The following SMIM13 variants were observed in gnomAD, a reference collection of about 807,000 sequenced individuals.
SMIM13 encodes the protein small integral membrane protein 13, also known as UPF0766 protein C6orf228.
SMIM13 carries 3 observed loss-of-function variants against 5.9 expected under a neutral mutation model. The observed-to-expected ratio is 0.51, with a 90% CI of 0.23 to 1.31. The LOEUF (loss-of-function observed/expected upper bound fraction) is 1.31. Ranked by LOEUF, SMIM13 falls within the 40% of genes most tolerant of loss-of-function variation. The pLI, the probability that SMIM13 is intolerant of heterozygous loss-of-function variation, is 0.18. For synonymous variants in SMIM13, 55 were observed against 46.0 expected (o/e 1.19, Z -0.79); for missense variants, 85 against 109.9 (o/e 0.77, Z 1.01).
chr6:11,112,744 C>A (rs4711179), intron 1 of SMIM13, among the ~76,000 whole-genome samples: 31,941 of 151,998 alleles, frequency 0.21, 3,775 homozygotes, highest in East Asian at 0.45. Context: ...ATTTGTTTAT[C>A]CATTTACTCA....
At position 11,109,097 on chromosome 6, in the gene SMIM13, A is replaced by G. The variant is rs773423502; in HGVS notation, c.76+14708A>G. ...TGGTGGCCCCCACAGGGTAGCCACC[A>G]GTGTCAGGCATGTGCATTGTGTTTG... On this transcript the variant is annotated intron_variant, in intron 1 of 1. Transcript: ENST00000416247. Among the ~76,000 whole-genome samples the G allele has an allele frequency of 4.7e-4, 72 of 152,340 alleles. 1 individual carries two copies. Among genetic ancestry groups the G allele is most frequent in the Non-Finnish European group, 8.2e-4 (56 of 68,030 alleles).
intron 1 of SMIM13, among the ~76,000 whole-genome samples, chr6:11,116,982 CTTTTTTTTTTT>C (rs68092921): frequency 1.5e-4 from 7 of 46,446 alleles, no homozygotes; most frequent in Admixed American, 1.2e-3. Flanking sequence ...ATAATTGTTT[CTTTTTTTTTTT>C]TTTTTTTTTT....
rs557296439 is a variant in SMIM13, at chr6:11,101,410, T to G, written c.76+7021T>G. Among the ~76,000 whole-genome samples, 5 of 152,344 alleles carry G rather than the reference T, an allele frequency of 3.3e-5. No homozygotes were observed. In the South Asian group the frequency reaches 1.0e-3, roughly 32 times the overall value. ...ACTGAGGTTCGACTTTGTTTCTGCT[T>G]ATTTATCTTACATTGAGGTACTATA... On this transcript the variant is annotated intron_variant, in intron 1 of 1. Coordinates refer to ENST00000416247, the MANE Select transcript of SMIM13 (RefSeq NM_001135575.2).
chr6:11,094,505 C>T, intron 1 of SMIM13, 116 bp downstream of exon 1: 4 of 808,482 alleles, frequency 4.9e-6, no homozygotes, highest in Non-Finnish European at 7.6e-6. Context: ...GGACAATTGT[C>T]TTAAAATCAA....
At chr6:11,121,094 C>T (rs950549486) in intron 1 of SMIM13, among the ~76,000 whole-genome samples, 11 of 152,216 alleles carry the variant, frequency 7.2e-5, no homozygotes, top group African/African-American at 2.4e-4. Context: ...TCTCAGAATA[C>T]ACACCCTCTA....
chr6:11,129,082 G>GC (rs952447011), intron 1 of SMIM13, among the ~76,000 whole-genome samples: 30 of 151,666 alleles, frequency 2.0e-4, no homozygotes, highest in South Asian at 2.1e-4. Context: ...CGGGAGCGGG[G>GC]GGGGGATGAT....
intron 1 of SMIM13, among the ~76,000 whole-genome samples, chr6:11,112,439 G>A (rs926942515): frequency 2.0e-5 from 3 of 152,080 alleles, no homozygotes; most frequent in Admixed American, 6.5e-5. Context: ...TTTTAGTAGA[G>A]ACAAGATTTC....
chr6:11,134,686 A>G lies in SMIM13; in HGVS notation c.*84A>G. 4.9e-6 allele frequency: 5 copies of G among 1,028,046 alleles called. No individual in the cohort carries two copies. The highest frequency in any genetic ancestry group is 6.6e-6 in the Non-Finnish European group (5 of 754,518). 63.7% of individuals were successfully genotyped at this position (1,028,046 alleles called of 1,614,324 possible). Reference sequence around the variant, plus strand: ...CTTTGAAATTTACTAATGACTGAAGAACATTTGTATTGGATTTTAAGTCGA... The same window carrying G: ...CTTTGAAATTTACTAATGACTGAAGGACATTTGTATTGGATTTTAAGTCGA... On this transcript the variant is annotated 3_prime_UTR_variant, in exon 2 of 2. Coordinates refer to ENST00000416247, the MANE Select transcript of SMIM13 (RefSeq NM_001135575.2).
intron 1 of SMIM13, among the ~76,000 whole-genome samples, chr6:11,111,514 CG>C (rs1758166491): frequency 1.3e-5 from 2 of 152,210 alleles, no homozygotes; most frequent in African/African-American, 4.8e-5. Context: ...AGCCATCCTT[CG>C]GGGTGAGCAG....
chr6:11,107,848 C>T (rs1489050675), intron 1 of SMIM13, among the ~76,000 whole-genome samples: 2 of 152,160 alleles, frequency 1.3e-5, no homozygotes, highest in Admixed American at 6.5e-5. Context: ...AAGCTGAAAT[C>T]CCTCTTTGGC....
At chr6:11,121,276 C>T (rs1395206664) in intron 1 of SMIM13, among the ~76,000 whole-genome samples, 1 of 152,154 alleles carries the variant, frequency 6.6e-6, no homozygotes, top group East Asian at 1.9e-4. Context: ...TTACTAAATC[C>T]CAGGACATGG....
At chr6:11,129,089 T>A (rs114427823) in intron 1 of SMIM13, among the ~76,000 whole-genome samples, 1 of 148,250 alleles carries the variant, frequency 6.7e-6, no homozygotes, top group African/African-American at 2.5e-5. Flanking sequence ...GGGGGGGGGA[T>A]GATCACTGGA....
intron 1 of SMIM13, among the ~76,000 whole-genome samples, chr6:11,119,079 A>G (rs1758278543): frequency 6.6e-6 from 1 of 152,158 alleles, no homozygotes. Context: ...AGAGAAGGAA[A>G]CAGATGTGAG....
intron 1 of SMIM13, among the ~76,000 whole-genome samples, chr6:11,132,686 G>T (rs547233618): frequency 1.3e-5 from 2 of 152,152 alleles, no homozygotes; most frequent in Non-Finnish European, 2.9e-5. Flanking sequence ...GCCACGTATT[G>T]TATGATTCCA....
At chr6:11,100,935 C>CT (rs1312336886) in intron 1 of SMIM13, among the ~76,000 whole-genome samples, 1 of 150,822 alleles carries the variant, frequency 6.6e-6, no homozygotes, top group Non-Finnish European at 1.5e-5. Context: ...TTGTGTGTGT[C>CT]TCTTTCATTT....
At chr6:11,116,182 T>TA (rs1388679076) in intron 1 of SMIM13, among the ~76,000 whole-genome samples, 1 of 151,800 alleles carries the variant, frequency 6.6e-6, no homozygotes, top group Admixed American at 6.6e-5. Context: ...CACACACAGC[T>TA]AATTTTTGTA....
intron 1 of SMIM13, among the ~76,000 whole-genome samples, chr6:11,117,746 C>CT (rs561151019): frequency 3.3e-3 from 463 of 140,966 alleles, no homozygotes; most frequent in Admixed American, 8.5e-3. Context: ...TATGGTCTAT[C>CT]TTTTTTTTTT....
chr6:11,099,559 A>T (rs1277593453), intron 1 of SMIM13, among the ~76,000 whole-genome samples: 1 of 152,186 alleles, frequency 6.6e-6, no homozygotes, highest in African/African-American at 2.4e-5. Context: ...TTTCTTCACT[A>T]CTATATCCCT....
intron 1 of SMIM13, chr6:11,103,943 T>C (rs1239599305): frequency 6.4e-7 from 1 of 1,551,734 alleles, no homozygotes; most frequent in Admixed American, 2.0e-5. Flanking sequence ...AGGCTTGATT[T>C]AGGAGTTGTC....
Sources: gnomAD v4.1 joint callset for allele counts (sites outside exome capture counted in the v4.1 genomes callset) on GRCh38, gnomAD v4.1.1 for gene constraint, MANE v1.5 for transcripts, NCBI Gene and HGNC (gene_info 2026-07-23, HGNC 2026-07-21) for gene names.